Variants in DIP2C observed in about 807,000 individuals in gnomAD.
DIP2C encodes disco-interacting protein 2 homolog C.
Under a neutral mutation model 192.4 loss-of-function variants are expected in DIP2C, and 33 were observed. The observed-to-expected ratio is 0.17, with a 90% CI of 0.13 to 0.23. The LOEUF is 0.23. DIP2C is among the 10% of genes least tolerant of loss of function. DIP2C has a pLI of 1.00. For missense variants in DIP2C, 1,537 were observed against 2,110.1 expected, an observed-to-expected ratio of 0.73 and a Z score of 5.32; for synonymous variants, 979 against 864.1, an observed-to-expected ratio of 1.13 and a Z score of -2.33.
chr10:455,115 C>T (rs1969180963), intron 3 of DIP2C, among the ~76,000 whole-genome samples: 1 of 152,220 alleles, frequency 6.6e-6, no homozygotes, highest in South Asian at 2.1e-4. Context: ...TACGTGGCTT[C>T]ACAGCAGCAG....
chr10:408,122 TATG>T (rs1964939159), intron 9 of DIP2C, among the ~76,000 whole-genome samples: 1 of 152,196 alleles, frequency 6.6e-6, no homozygotes, highest in African/African-American at 2.4e-5. Context: ...ATTTTTTGCA[TATG>T]ATGTTAGGTA....
intron 4 of DIP2C, among the ~76,000 whole-genome samples, chr10:439,721 T>C (rs1177542860): frequency 2.0e-5 from 3 of 150,054 alleles, no homozygotes; most frequent in African/African-American, 7.6e-5. Flanking sequence ...TAAAGGTGAA[T>C]ACTCAGGAGC....
chr10:569,992 C>G (rs940934604), intron 1 of DIP2C, among the ~76,000 whole-genome samples: 6 of 152,206 alleles, frequency 3.9e-5, no homozygotes, highest in Admixed American at 1.3e-4. Flanking sequence ...GTCCTATCAG[C>G]TCACCCCTGG....
intron 1 of DIP2C, among the ~76,000 whole-genome samples, chr10:505,743 A>C (rs996137779): frequency 1.3e-5 from 2 of 151,340 alleles, no homozygotes; most frequent in Admixed American, 6.6e-5. Flanking sequence ...CTCTGGGTGC[A>C]CCTGACACCA....
Position 487,517 on chromosome 10 carries a change from C to A in DIP2C, c.86-987G>T, listed in dbSNP as rs117844984. ...GGAACACAAGGCTGACGTCTCAACA[C>A]GGAGCCAAGAACCAAATGACACGGA... On this transcript the variant is annotated intron_variant, in intron 1 of 36. Coordinates refer to ENST00000280886, the MANE Select transcript of DIP2C (RefSeq NM_014974.3). 7.3e-4 allele frequency among the ~76,000 whole-genome samples: 109 copies of A among 149,786 alleles called. 1 individual carries two copies. Among genetic ancestry groups the A allele is most frequent in the African/African-American group, 2.6e-3 (106 of 40,490 alleles).
chr10:592,732 T>C (rs913955763), intron 1 of DIP2C, among the ~76,000 whole-genome samples: 7 of 152,146 alleles, frequency 4.6e-5, no homozygotes, highest in African/African-American at 1.4e-4. Flanking sequence ...TCTAAAAATG[T>C]GAAATTTTTC....
rs549966617 is a variant in DIP2C, at chr10:522,129, C to T, written c.86-35599G>A. Among the ~76,000 whole-genome samples, 3 of 151,524 alleles carry T rather than the reference C, an allele frequency of 2.0e-5. No individual in the cohort carries two copies. The East Asian group carries it at 5.9e-4, about 30-fold the overall frequency. On this transcript the variant is annotated intron_variant, in intron 1 of 36. Coordinates refer to ENST00000280886, the MANE Select transcript of DIP2C (RefSeq NM_014974.3). ...CCCCTGGCAGCTGCTGACGGTTTTA[C>T]TGTCTCTGCAGTTGTGCCTTTTCCA...
At chr10:574,305 T>G (rs1171181642) in intron 1 of DIP2C, among the ~76,000 whole-genome samples, 1 of 152,228 alleles carries the variant, frequency 6.6e-6, no homozygotes, top group Non-Finnish European at 1.5e-5. Context: ...CTGTTATCTT[T>G]CCGCAATTAA....
At chr10:557,520 G>A (rs576625967) in intron 1 of DIP2C, among the ~76,000 whole-genome samples, 28 of 151,042 alleles carry the variant, frequency 1.9e-4, no homozygotes, top group African/African-American at 4.6e-4. Flanking sequence ...CTGTTCCCAC[G>A]ACATCACGTT....
intron 1 of DIP2C, among the ~76,000 whole-genome samples, chr10:617,655 A>AC (rs3049602): frequency 0.028 from 3,757 of 132,432 alleles, 88 homozygotes; most frequent in East Asian, 0.13. Context: ...TGTGGATACC[A>AC]CCCCCCCACC....
chr10:440,411 TGCAG>T (rs1214618952), intron 4 of DIP2C, among the ~76,000 whole-genome samples: 3 of 152,228 alleles, frequency 2.0e-5, no homozygotes, highest in Non-Finnish European at 2.9e-5. Flanking sequence ...TCTGGCAACT[TGCAG>T]GCAAAGTTTA....
At chr10:629,926 GT>G (rs1854415660) in intron 1 of DIP2C, 1 of 152,358 alleles carries the variant, frequency 6.6e-6, no homozygotes, top group Non-Finnish European at 1.5e-5. Context: ...CCGTGGAAGT[GT>G]CCTGGGCTCT....
At chr10:424,150 G>A (rs1236481044) in intron 4 of DIP2C, among the ~76,000 whole-genome samples, 1 of 152,128 alleles carries the variant, frequency 6.6e-6, no homozygotes, top group Non-Finnish European at 1.5e-5. Context: ...CAGCTCAGGT[G>A]AGCAGCTCCA....
chr10:520,392 G>T (rs1846622069), intron 1 of DIP2C, among the ~76,000 whole-genome samples: 1 of 152,208 alleles, frequency 6.6e-6, no homozygotes, highest in Non-Finnish European at 1.5e-5. Context: ...TAAGATGGGG[G>T]AAGAAAAGGA....
intron 1 of DIP2C, among the ~76,000 whole-genome samples, chr10:556,754 G>A (rs1307355679): frequency 1.3e-5 from 2 of 152,088 alleles, no homozygotes; most frequent in Admixed American, 6.5e-5. Flanking sequence ...TGAAAACAAC[G>A]TTTTTTCTTG....
intron 1 of DIP2C, among the ~76,000 whole-genome samples, chr10:586,244 T>C (rs547763030): frequency 8.5e-5 from 13 of 152,184 alleles, no homozygotes; most frequent in Non-Finnish European, 1.9e-4. Flanking sequence ...CTGCAGATGC[T>C]GAGAATGGAC....
At chr10:453,909 C>T (rs1476250634) in intron 3 of DIP2C, among the ~76,000 whole-genome samples, 2 of 152,244 alleles carry the variant, frequency 1.3e-5, no homozygotes, top group Non-Finnish European at 2.9e-5. Context: ...GAGACCCCAG[C>T]AGCAGCAGGA....
At chr10:687,040 A>G (rs1243205528) in intron 1 of DIP2C, among the ~76,000 whole-genome samples, 1 of 152,242 alleles carries the variant, frequency 6.6e-6, no homozygotes, top group African/African-American at 2.4e-5. Context: ...ATTTTCTGAT[A>G]TTTTAATAAA....
At chr10:344,267 C>A (rs1033704469) in intron 28 of DIP2C, among the ~76,000 whole-genome samples, 2 of 152,116 alleles carry the variant, frequency 1.3e-5, no homozygotes, top group African/African-American at 4.8e-5. Flanking sequence ...TGGTATTCCA[C>A]CTCAGTTCTA....
Sources: allele counts gnomAD v4.1 joint callset (sites outside exome capture counted in the v4.1 genomes callset), GRCh38; gene constraint gnomAD v4.1.1; transcripts MANE v1.5; gene names NCBI Gene and HGNC (gene_info 2026-07-23, HGNC 2026-07-21).